ZNF541: variants seen among roughly 807,000 people sequenced by gnomAD.
The protein encoded by ZNF541 is zinc finger protein 541.
Under a neutral mutation model 123.5 loss-of-function variants are expected in ZNF541, and 23 were observed. That is an observed-to-expected ratio of 0.19 (90% CI 0.13 to 0.26). The LOEUF (loss-of-function observed/expected upper bound fraction) is 0.26. Ranked by LOEUF, ZNF541 falls within the 10% of genes least tolerant of loss-of-function variation. The pLI is 1.00. For missense variants in ZNF541, 1,612 were observed against 1,789.9 expected (o/e 0.90, Z 1.79); for synonymous variants, 751 against 754.5 (o/e 1.00, Z 0.08).
intron 4 of ZNF541, 68 bp from the exon 5 acceptor site, chr19:47,546,048 G>A: frequency 7.3e-7 from 1 of 1,364,934 alleles, no homozygotes; most frequent in African/African-American, 1.5e-5. Context: ...GTAGGACCCT[G>A]GTGGCCCCCA....
intron 2 of ZNF541, among the ~76,000 whole-genome samples, chr19:47,564,457 C>G (rs1599741043): frequency 6.6e-6 from 1 of 152,240 alleles, no homozygotes; most frequent in Non-Finnish European, 1.5e-5. Context: ...CTCTGCTAGC[C>G]CTTACGAGGC....
chr19:47,543,376 T>C (rs1427466080), intron 5 of ZNF541, among the ~76,000 whole-genome samples: 1 of 152,018 alleles, frequency 6.6e-6, no homozygotes, highest in African/African-American at 2.4e-5. Context: ...ACACAACATC[T>C]GGAGGAACCA....
intron 4 of ZNF541, among the ~76,000 whole-genome samples, chr19:47,547,793 A>G (rs1244316295): frequency 6.6e-6 from 1 of 152,106 alleles, no homozygotes; most frequent in African/African-American, 2.4e-5. Flanking sequence ...CATTTCCAAG[A>G]CATTAAGCGG....
rs976868088 is a variant in ZNF541 at position 47,521,832 on chromosome 19, G to C, written c.3711+22C>G. On this transcript the variant is annotated intron_variant, in intron 15 of 16. Coordinates refer to ENST00000391901, the MANE Select transcript of ZNF541 (RefSeq NM_001277075.3). The surrounding 1 kb of genome is among the most constrained non-coding windows in gnomAD (Gnocchi z 4.2). ...GCACTGGGAGGAGAGAAGAGCTCCC[G>C]ACACAGCCCTGGTTCCTCTACCTTT... is the stretch of plus-strand genomic sequence containing the variant. 4.5e-6 allele frequency: 7 copies of C among 1,548,342 alleles called. No homozygotes were observed. In the Admixed American group the frequency reaches 1.4e-4, roughly 31 times the overall value.
intron 2 of ZNF541, among the ~76,000 whole-genome samples, chr19:47,567,031 A>C (rs1308499535): frequency 2.0e-5 from 3 of 151,996 alleles, no homozygotes; most frequent in Non-Finnish European, 4.4e-5. Context: ...AGCCTGGGCC[A>C]CAGAGCGAGA....
rs188160680 is a variant in ZNF541, at chr19:47,528,229, C to T, written c.3570+721G>A. ...ACTCGGAAGGCTGAGGCAGGAGAAT[C>T]GCTTGAACCCGGGAGGCGGAGGTTG... On this transcript the variant is annotated intron_variant, in intron 14 of 16. Coordinates refer to ENST00000391901, the MANE Select transcript of ZNF541 (RefSeq NM_001277075.3). Among the ~76,000 whole-genome samples the T allele has an allele frequency of 8.9e-4, 127 of 142,696 alleles. 1 individual carries two copies. The highest frequency in any genetic ancestry group is 3.2e-3 in the African/African-American group (123 of 39,006). 93.6% of individuals were successfully genotyped at this position (142,696 alleles called of 152,430 possible).
At chr19:47,549,121 C>T (rs1970490427) in intron 4 of ZNF541, 124 bp downstream of exon 4, 6 of 1,359,660 alleles carry the variant, frequency 4.4e-6, no homozygotes, top group Non-Finnish European at 5.9e-6. Context: ...AGGTAATACA[C>T]GTCTGGAAAA....
chr19:47,556,276 C>T (rs1442715835), intron 2 of ZNF541, among the ~76,000 whole-genome samples: 1 of 152,088 alleles, frequency 6.6e-6, no homozygotes, highest in Non-Finnish European at 1.5e-5. Flanking sequence ...TAGCCTAGGT[C>T]AAAAGACAGG....
chr19:47,567,504 C>T (rs1197153698), intron 2 of ZNF541, among the ~76,000 whole-genome samples: 4 of 152,242 alleles, frequency 2.6e-5, no homozygotes, highest in Non-Finnish European at 5.9e-5. Context: ...AAATGATCCG[C>T]CCTCCTCGGC....
chr19:47,549,590 G>A, intron 3 of ZNF541, 105 bp from the exon 4 acceptor site: 5 of 1,469,506 alleles, frequency 3.4e-6, no homozygotes, highest in Non-Finnish European at 4.6e-6. Context: ...CCTTGTAAGT[G>A]TTGCGCGAGA....
Position 47,538,252 on chromosome 19 carries a change from G to A in ZNF541, c.2984C>T (p.Thr995Ile). The part of the protein sequence containing the change: ...LKGLFQCSPY[T>I]PPPMLSPIRE... Reference sequence around the variant, plus strand: ...GATGGGGCTGAGCATTGGGGGTGGTGTGTAGGGGGAGCACTGGAATAAGCC... The same window carrying A: ...GATGGGGCTGAGCATTGGGGGTGGTATGTAGGGGGAGCACTGGAATAAGCC... The change falls in exon 9 of 17, where the codon ACA becomes ATA. Residue 995 changes from threonine (T) to isoleucine (I), a missense_variant. Thr to Ile is a moderately conservative substitution (Grantham distance 89). Transcript: ENST00000391901. 1.3e-6 allele frequency: 2 copies of A among 1,551,628 alleles called. No individual in the cohort carries two copies. The highest frequency in any genetic ancestry group is 1.7e-6 in the Non-Finnish European group (2 of 1,146,940).
chr19:47,540,066 C>T (rs748205896), intron 7 of ZNF541, 110 bp downstream of exon 7: 61 of 1,444,140 alleles, frequency 4.2e-5, no homozygotes, highest in Non-Finnish European at 5.2e-5. Flanking sequence ...CTCCAGCCCC[C>T]GACCCAGAGT....
At position 47,521,898 on chromosome 19, in the gene ZNF541, T is replaced by G. The variant is rs1038095469; in HGVS notation, c.3667A>C (p.Arg1223=). 6.4e-7 allele frequency: 1 copy of G among 1,551,882 alleles called. No individual in the cohort carries two copies. The highest frequency in any genetic ancestry group is 8.7e-7 in the Non-Finnish European group (1 of 1,147,048). The change falls in exon 15 of 17, where the codon AGG becomes CGG. Residue 1223 remains arginine, a synonymous_variant. Transcript: ENST00000391901. The surrounding 1 kb of genome is among the most constrained non-coding windows in gnomAD (Gnocchi z 4.2). ...DCGRAPGLEK[R]VKREPEEVER... is the part of the protein sequence containing the mutation. Reference sequence around the variant, plus strand: ...ACTTCCTCCGGCTCTCTCTTGACCCTCTTTTCTAGCCCTGGGGCTCGGCCA... The same window carrying G: ...ACTTCCTCCGGCTCTCTCTTGACCCGCTTTTCTAGCCCTGGGGCTCGGCCA...
chr19:47,559,358 T>G (rs1970967970), intron 2 of ZNF541, among the ~76,000 whole-genome samples: 2 of 139,662 alleles, frequency 1.4e-5, no homozygotes, highest in East Asian at 2.2e-4. Flanking sequence ...GGCAACAGAG[T>G]GAAACTCTAT....
chr19:47,567,726 G>A (rs1971322602), intron 2 of ZNF541, among the ~76,000 whole-genome samples: 1 of 152,206 alleles, frequency 6.6e-6, no homozygotes, highest in African/African-American at 2.4e-5. Flanking sequence ...GCAACAATTG[G>A]TTGGAGGTGA....
At chr19:47,569,244 A>G (rs535538556) in intron 2 of ZNF541, among the ~76,000 whole-genome samples, 14 of 152,112 alleles carry the variant, frequency 9.2e-5, no homozygotes, top group East Asian at 5.8e-4. Flanking sequence ...TATAATATTC[A>G]TCATTGTAAT....
intron 4 of ZNF541, among the ~76,000 whole-genome samples, chr19:47,546,480 C>T (rs979908220): frequency 5.9e-5 from 9 of 152,000 alleles, no homozygotes; most frequent in Admixed American, 4.6e-4. Flanking sequence ...CCACTGCACT[C>T]CAGCCTGGGT....
rs550140068 is a variant in ZNF541, at chr19:47,544,736, G to A, written c.1793C>T (p.Pro598Leu). 7 of 1,499,526 alleles carry A rather than the reference G, an allele frequency of 4.7e-6. No individual in the cohort carries two copies. In the South Asian group the frequency reaches 7.7e-5, roughly 16 times the overall value. 92.9% of individuals were successfully genotyped at this position (1,499,526 alleles called of 1,614,324 possible). A position where few individuals can be genotyped will look rare whatever the true frequency, so the allele number is the denominator to read the frequency against. Residue 598 changes from proline (P) to leucine (L), a missense_variant, in exon 5 of 17, where the codon CCG becomes CTG. Coordinates refer to ENST00000391901, the MANE Select transcript of ZNF541 (RefSeq NM_001277075.3). ...AGGAGCCAGTGGTGGGGGCTGCTGC[G>A]GCCACGGCCCCTGCAGCGGCCTCAG... ...AALRPLQGPW[P>L]QQPPPLAPAV... is the part of the protein sequence containing the mutation.
At chr19:47,558,003 C>A (rs927101246) in intron 2 of ZNF541, among the ~76,000 whole-genome samples, 1 of 151,654 alleles carries the variant, frequency 6.6e-6, no homozygotes, top group African/African-American at 2.4e-5. Flanking sequence ...GGGAGTGGGG[C>A]AGCAGAGTTT....
Sources: allele counts gnomAD v4.1 joint callset (sites outside exome capture counted in the v4.1 genomes callset), GRCh38; gene constraint gnomAD v4.1.1; non-coding constraint Gnocchi (gnomAD v3.1); transcripts MANE v1.5; gene names NCBI Gene and HGNC (gene_info 2026-07-23, HGNC 2026-07-21).